Variants in CITED1 observed in about 807,000 individuals in gnomAD.
CITED1 encodes the protein Cbp/p300 interacting transactivator with ED-rich tail 1, also known as cbp/p300-interacting transactivator 1.
Under a neutral mutation model 8.5 loss-of-function variants are expected in CITED1, and 3 were observed. The observed-to-expected ratio is 0.35, with a 90% CI of 0.16 to 0.91. The LOEUF (loss-of-function observed/expected upper bound fraction) is 0.91. CITED1 is among the 40% of genes least tolerant of loss of function. The pLI, the probability that CITED1 is intolerant of heterozygous loss-of-function variation, is 0.46. For synonymous variants in CITED1, 54 were observed against 67.4 expected (o/e 0.80, Z 0.97); for missense variants, 113 against 154.8 (o/e 0.73, Z 1.43).
intron 1 of CITED1, among the ~76,000 whole-genome samples, chrX:72,305,046 C>T (rs925629715): frequency 8.8e-5 from 10 of 113,160 alleles, no homozygotes; most frequent in Non-Finnish European, 1.5e-4. Context: ...CGCGAGCTGA[C>T]CACTGCGAAA....
chrX:72,306,302 T>TGGCG (rs757184047), upstream of CITED1, among the ~76,000 whole-genome samples: 30 of 104,330 alleles, frequency 2.9e-4, no homozygotes, highest in South Asian at 4.8e-4. Context: ...ACCCGAGCGC[T>TGGCG]GGCGGGCGGG....
chrX:72,306,853 CGCACACG>C (rs2043346392), upstream of CITED1: 1 of 110,280 alleles, frequency 9.1e-6, no homozygotes, highest in Admixed American at 9.4e-5. Flanking sequence ...CTGACGCACA[CGCACACG>C]GCAGCAGACT....
chrX:72,302,877 C>T lies in CITED1; in HGVS notation c.-8G>A. Reference sequence around the variant, plus strand: ...CCTCGACGTTGTTGGCATTTCAGAGCCTTGGCAGAAGTTGGATAAATTGGC... The same window carrying T: ...CCTCGACGTTGTTGGCATTTCAGAGTCTTGGCAGAAGTTGGATAAATTGGC... On this transcript the variant is annotated 5_prime_UTR_variant, in exon 2 of 3. Transcript: ENST00000651998. The T allele has an allele frequency of 8.3e-7, 1 of 1,211,845 alleles. No homozygotes were observed. The highest frequency in any genetic ancestry group is 1.1e-6 in the Non-Finnish European group (1 of 895,337).
At chrX:72,305,976 T>G (rs751689038), upstream of CITED1, 6 of 110,546 alleles carry the variant, frequency 5.4e-5, no homozygotes, top group East Asian at 1.7e-3. Context: ...TGTGTGTGTG[T>G]GGGCGTGTGT....
At position 72,301,895 on chromosome X, in the gene CITED1, G is replaced by A; in HGVS notation, c.410C>T (p.Ser137Phe). The change falls in exon 3 of 3, where the codon TCT becomes TTT. Residue 137 changes from serine to phenylalanine, a missense_variant. Coordinates refer to ENST00000651998, the MANE Select transcript of CITED1 (RefSeq NM_001144887.2). ...AGGGCTCTGGGCACCAGCAGAAGGAGAGAGTGATTCTGCCCCTCCCGCCTG... is the reference window on the plus strand; with the variant it reads ...AGGGCTCTGGGCACCAGCAGAAGGAAAGAGTGATTCTGCCCCTCCCGCCTG... The part of the protein sequence containing the change: ...GAQAGGAESL[S>F]PSAGAQSPAI... The A allele has an allele frequency of 8.2e-7, 1 of 1,212,384 alleles. No individual in the cohort carries two copies. The highest frequency in any genetic ancestry group is 1.1e-6 in the Non-Finnish European group (1 of 895,657).
chrX:72,303,072 A>C, intron 1 of CITED1, 138 bp from the exon 2 acceptor site: 1 of 818,930 alleles, frequency 1.2e-6, no homozygotes, highest in Non-Finnish European at 1.7e-6. Context: ...ACCAGAGATC[A>C]CCCGAGCACA....
chrX:72,302,838 ACAT>A lies in CITED1; in HGVS notation c.29_31del (p.Asp10del), dbSNP rs1233758506. 31 of 1,210,894 alleles carry A rather than the reference ACAT, an allele frequency of 2.6e-5. No homozygotes were observed. The highest frequency in any genetic ancestry group is 3.4e-5 in the Non-Finnish European group (30 of 894,728). On this transcript the variant is annotated inframe_deletion, in exon 2 of 3. Transcript: ENST00000651998. Reference sequence around the variant, plus strand: ...CTTCGCAGGTGAGGTGCCACCCTTGACATCAAGTGCAGGCCTCGACGTTGTTGG... The same window carrying A: ...CTTCGCAGGTGAGGTGCCACCCTTGACAAGTGCAGGCCTCGACGTTGTTGG...
intron 1 of CITED1, chrX:72,304,048 C>CT (rs2043313211): frequency 4.1e-6 from 2 of 483,063 alleles, no homozygotes; most frequent in Non-Finnish European, 5.0e-6. Flanking sequence ...GACCCTATCT[C>CT]TTTAAAAAAA....
At chrX:72,306,343 C>T (rs1348364910), upstream of CITED1, 1 of 110,893 alleles carries the variant, frequency 9.0e-6, no homozygotes, top group East Asian at 2.9e-4. Flanking sequence ...CCCAGCAGAG[C>T]AGCTTTCCAA....
Position 72,302,818 on chromosome X carries a change from C to T in CITED1, c.52G>A (p.Ala18Thr). Residue 18 changes from alanine to threonine, a missense_variant, in exon 2 of 3, where the codon GCG becomes ACG. Ala to Thr is a moderately conservative substitution (Grantham distance 58, BLOSUM62 0). Coordinates refer to ENST00000651998, the MANE Select transcript of CITED1 (RefSeq NM_001144887.2). Reference sequence around the variant, plus strand: ...AAAATGGCAAAAATTACCTCCTTCGCAGGTGAGGTGCCACCCTTGACATCA... The same window carrying T: ...AAAATGGCAAAAATTACCTCCTTCGTAGGTGAGGTGCCACCCTTGACATCA... Reference protein sequence around the residue: ...ALDVKGGTSPAKEDANQEMSS... With the variant: ...ALDVKGGTSPTKEDANQEMSS... The T allele has an allele frequency of 8.3e-7, 1 of 1,209,104 alleles. No homozygotes were observed. Among genetic ancestry groups the T allele is most frequent in the Non-Finnish European group, 1.1e-6 (1 of 893,869 alleles).
chrX:72,303,558 G>A (rs1357718960), intron 1 of CITED1, among the ~76,000 whole-genome samples: 4 of 112,065 alleles, frequency 3.6e-5, no homozygotes, highest in African/African-American at 1.3e-4. Flanking sequence ...TTTCCTCCAT[G>A]TCTCAAGCCC....
chrX:72,304,177 G>T, intron 1 of CITED1: 1 of 407,349 alleles, frequency 2.5e-6, no homozygotes, highest in Non-Finnish European at 3.1e-6. Context: ...ATCTTTCCAA[G>T]GAGGCTAGAA....
rs139648368 is a variant in CITED1 at position 72,301,748 on chromosome X, G to A, written c.557C>T (p.Thr186Ile). ...LWLGQNEFDF[T>I]ADFPSSC ...TTAGCAGCTAGATGGAAAGTCCGCAGTGAAGTCAAACTCATTCTGCCCCAG... is the reference window on the plus strand; with the variant it reads ...TTAGCAGCTAGATGGAAAGTCCGCAATGAAGTCAAACTCATTCTGCCCCAG... Residue 186 changes from threonine (T) to isoleucine (I), a missense_variant, in exon 3 of 3, where the codon ACT (threonine) becomes ATT (isoleucine). Physicochemically the swap from Thr to Ile is moderately conservative, Grantham distance 89. Transcript: ENST00000651998. 496 of 1,210,297 alleles carry A rather than the reference G, an allele frequency of 4.1e-4. No individual in the cohort carries two copies. The highest frequency in any genetic ancestry group is 4.7e-4 in the Non-Finnish European group (425 of 895,126).
In CITED1 at chrX:72,301,916, G is replaced by T; in HGVS notation, c.389C>A (p.Ala130Glu). 1.7e-6 allele frequency: 2 copies of T among 1,212,116 alleles called. No individual in the cohort carries two copies. Among genetic ancestry groups the T allele is most frequent in the South Asian group, 1.8e-5 (1 of 56,996 alleles). ...AGGAGAGAGTGATTCTGCCCCTCCC[G>T]CCTGGGCCCCAAAGTCCCAGTTTTG... ...PLQNWDFGAQ[A>E]GGAESLSPSA... Residue 130 changes from alanine to glutamate, a missense_variant, in exon 3 of 3, where the codon GCG becomes GAG. Physicochemically the swap from Ala to Glu is moderately radical, Grantham distance 107 (BLOSUM62 -1). Transcript: ENST00000651998.
chrX:72,305,727 GC>G (rs2043331869), intron 1 of CITED1, 97 bp downstream of exon 1: 1 of 146,768 alleles, frequency 6.8e-6, no homozygotes, highest in African/African-American at 3.2e-5. Context: ...CGACGCGGCA[GC>G]AGGCTGAGCC....
upstream of CITED1, chrX:72,306,903 C>T (rs1261382982): frequency 9.1e-6 from 1 of 110,209 alleles, no homozygotes; most frequent in African/African-American, 3.3e-5. Context: ...AAGGACAGAC[C>T]CTTTTTTTCC....
intron 2 of CITED1, 65 bp downstream of exon 2, chrX:72,302,745 G>C (rs1431929521): frequency 9.9e-7 from 1 of 1,007,434 alleles, no homozygotes; most frequent in East Asian, 3.3e-5. Context: ...CACCTAGGAG[G>C]GCCTGGCCCA....
Position 72,302,217 on chromosome X carries a change from C to T in CITED1, c.88G>A (p.Ala30Thr). 1 of 1,206,544 alleles carries T rather than the reference C, an allele frequency of 8.3e-7. No individual in the cohort carries two copies. The highest frequency in any genetic ancestry group is 1.1e-6 in the Non-Finnish European group (1 of 892,352). Residue 30 changes from alanine to threonine, a missense_variant, in exon 3 of 3, where the codon GCC becomes ACC. Ala to Thr is a moderately conservative substitution (Grantham distance 58). Coordinates refer to ENST00000651998, the MANE Select transcript of CITED1 (RefSeq NM_001144887.2). ...TCTTTCACCGCAAGGTTGGAGTAGG[C>T]CACGGAGCTCATCTCTTGGTTGGCA... ...EDANQEMSSV[A>T]YSNLAVKDRK...
chrX:72,303,855 C>A (rs2043311465), intron 1 of CITED1, among the ~76,000 whole-genome samples: 2 of 111,206 alleles, frequency 1.8e-5, no homozygotes, highest in Non-Finnish European at 3.8e-5. Flanking sequence ...ACCTCCAAAC[C>A]AGAAAATAAA....
Sources: gnomAD v4.1 joint callset for allele counts (sites outside exome capture counted in the v4.1 genomes callset) on GRCh38, gnomAD v4.1.1 for gene constraint, MANE v1.5 for transcripts, NCBI Gene and HGNC (gene_info 2026-07-23, HGNC 2026-07-21) for gene names.